Variants in NKAIN2 observed in about 807,000 individuals in gnomAD.
NKAIN2 encodes the protein sodium/potassium transporting ATPase interacting 2, also known as sodium/potassium-transporting ATPase subunit beta-1-interacting protein 2.
In NKAIN2, 14 loss-of-function variants were observed where a neutral mutation model predicts 32.6. The observed-to-expected ratio is 0.43, with a 90% confidence interval of 0.28 to 0.67. The LOEUF is 0.67. Ranked by LOEUF, NKAIN2 falls within the 30% of genes least tolerant of loss-of-function variation. NKAIN2 has a pLI of 0.17. For synonymous variants in NKAIN2, 80 were observed against 87.2 expected, an observed-to-expected ratio of 0.92 and a Z score of 0.46; for missense variants, 198 against 258.3, an observed-to-expected ratio of 0.77 and a Z score of 1.60.
At chr6:124,354,810 T>C (rs1798892025) in intron 2 of NKAIN2, among the ~76,000 whole-genome samples, 1 of 149,956 alleles carries the variant, frequency 6.7e-6, no homozygotes, top group Non-Finnish European at 1.5e-5. Context: ...CTTAAGCAGG[T>C]TTGAGCTGTA....
intron 1 of NKAIN2, among the ~76,000 whole-genome samples, chr6:123,909,681 C>T (rs1443765258): frequency 2.0e-5 from 3 of 152,188 alleles, no homozygotes; most frequent in Non-Finnish European, 2.9e-5. Context: ...TGTCTGGCCA[C>T]CCAGACCTAA....
At chr6:124,256,710 CCCGTATCTTGGCAT>C (rs1257213118) in intron 1 of NKAIN2, among the ~76,000 whole-genome samples, 1 of 152,000 alleles carries the variant, frequency 6.6e-6, no homozygotes, top group Non-Finnish European at 1.5e-5. Flanking sequence ...AATTTAAGAG[CCCGTATCTTGGCAT>C]TCTTGATTAG....
chr6:124,470,433 A>C (rs568613011), intron 3 of NKAIN2, among the ~76,000 whole-genome samples: 148 of 152,280 alleles, frequency 9.7e-4, no homozygotes, highest in Non-Finnish European at 1.7e-3. Context: ...GTGGCTTTGC[A>C]GAAGACTAGA....
chr6:124,679,210 C>T (rs1295862732), intron 4 of NKAIN2, among the ~76,000 whole-genome samples: 1 of 152,104 alleles, frequency 6.6e-6, no homozygotes. Flanking sequence ...TGGAAGAAGC[C>T]ATGTCTTGGG....
intron 1 of NKAIN2, among the ~76,000 whole-genome samples, chr6:124,176,240 T>C (rs562550217): frequency 1.3e-5 from 2 of 152,300 alleles, no homozygotes; most frequent in East Asian, 3.9e-4. Context: ...GGAAAATGGC[T>C]CTGATAAGCT....
intron 5 of NKAIN2, among the ~76,000 whole-genome samples, chr6:124,796,574 G>C (rs1445154763): frequency 6.6e-6 from 1 of 152,010 alleles, no homozygotes; most frequent in African/African-American, 2.4e-5. Context: ...GGGCTGTATT[G>C]CTGCCAGGCC....
intron 1 of NKAIN2, among the ~76,000 whole-genome samples, chr6:124,090,792 A>G (rs1177910004): frequency 6.6e-6 from 1 of 152,020 alleles, no homozygotes; most frequent in East Asian, 1.9e-4. Context: ...ATGTCAGTAC[A>G]TGCTGAACTT....
rs528752186 is a variant in NKAIN2, at chr6:123,820,663, G to A, written c.54+16409G>A. On this transcript the variant is annotated intron_variant, in intron 1 of 6. Transcript: ENST00000368417. ...GCCAGCCATTCTGTACATCATGAGT[G>A]GAGATCACAGGTTTACCAGAAGTAT... Among the ~76,000 whole-genome samples, 5 of 152,226 alleles carry A rather than the reference G, an allele frequency of 3.3e-5. No homozygotes were observed. In the East Asian group the frequency reaches 7.7e-4, roughly 24 times the overall value.
intron 1 of NKAIN2, among the ~76,000 whole-genome samples, chr6:124,091,432 T>C (rs1784415012): frequency 6.6e-6 from 1 of 151,898 alleles, no homozygotes; most frequent in African/African-American, 2.4e-5. Context: ...TTGAGAAAAA[T>C]ACAAATTATT....
intron 3 of NKAIN2, among the ~76,000 whole-genome samples, chr6:124,414,020 T>G (rs923887665): frequency 7.4e-5 from 10 of 135,318 alleles, no homozygotes; most frequent in Non-Finnish European, 1.4e-4. Flanking sequence ...TTTGTTCGTT[T>G]GTTTTTTTTT....
chr6:124,241,436 A>G (rs965058849), intron 1 of NKAIN2, among the ~76,000 whole-genome samples: 1 of 152,142 alleles, frequency 6.6e-6, no homozygotes, highest in African/African-American at 2.4e-5. Flanking sequence ...TATAGCCAAG[A>G]CAATCCTAAG....
Position 124,824,868 on chromosome 6 carries a change from T to A in NKAIN2, c.*1639T>A, listed in dbSNP as rs1489748909. 6.6e-6 allele frequency: 1 copy of A among 152,272 alleles called. No individual in the cohort carries two copies. Among genetic ancestry groups the A allele is most frequent in the African/African-American group, 2.4e-5 (1 of 41,446 alleles). 9.4% of individuals were successfully genotyped at this position (152,272 alleles called of 1,614,324 possible). On this transcript the variant is annotated 3_prime_UTR_variant, in exon 7 of 7. Transcript: ENST00000368417. ...CCATTACTGTGTTTGCATGGATGTC[T>A]GTAATATACACACACATATACATTT...
At chr6:124,285,481 G>A (rs1795495917) in intron 2 of NKAIN2, among the ~76,000 whole-genome samples, 1 of 152,048 alleles carries the variant, frequency 6.6e-6, no homozygotes, top group Admixed American at 6.6e-5. Context: ...TAAATTCCAT[G>A]AGTCTTCTTT....
intron 3 of NKAIN2, among the ~76,000 whole-genome samples, chr6:124,454,850 T>C (rs534416320): frequency 2.0e-5 from 3 of 152,164 alleles, no homozygotes; most frequent in East Asian, 3.9e-4. Flanking sequence ...TCCCTTAGCA[T>C]TGAAAACAAA....
intron 1 of NKAIN2, among the ~76,000 whole-genome samples, chr6:124,116,500 A>G (rs1785623972): frequency 6.6e-6 from 1 of 152,124 alleles, no homozygotes. Context: ...AGCATCTTGA[A>G]TTCAAGATGT....
chr6:124,466,098 G>T (rs1248384260), intron 3 of NKAIN2, among the ~76,000 whole-genome samples: 1 of 151,994 alleles, frequency 6.6e-6, no homozygotes, highest in African/African-American at 2.4e-5. Context: ...ACAACGTTTG[G>T]CTGATAGTAA....
intron 3 of NKAIN2, among the ~76,000 whole-genome samples, chr6:124,615,815 T>G (rs1583524972): frequency 6.6e-6 from 1 of 152,324 alleles, no homozygotes; most frequent in Admixed American, 6.5e-5. Context: ...GATTGAATGC[T>G]TTGCATTAGT....
chr6:124,217,511 A>T (rs1233980093), intron 1 of NKAIN2, among the ~76,000 whole-genome samples: 2 of 152,056 alleles, frequency 1.3e-5, no homozygotes, highest in Non-Finnish European at 2.9e-5. Flanking sequence ...GTACAATGGA[A>T]AATGATTGTA....
At chr6:124,052,394 T>A (rs1782452990) in intron 1 of NKAIN2, among the ~76,000 whole-genome samples, 1 of 151,974 alleles carries the variant, frequency 6.6e-6, no homozygotes, top group South Asian at 2.1e-4. Flanking sequence ...TTACGACATG[T>A]TTTATGTTTA....
Sources: allele counts gnomAD v4.1 joint callset (sites outside exome capture counted in the v4.1 genomes callset), GRCh38; gene constraint gnomAD v4.1.1; transcripts MANE v1.5; gene names NCBI Gene and HGNC (gene_info 2026-07-23, HGNC 2026-07-21).